The following NDST2 variants were observed in gnomAD, a reference collection of about 807,000 sequenced individuals.
NDST2 encodes N-deacetylase and N-sulfotransferase 2.
Under a neutral mutation model 86.9 loss-of-function variants are expected in NDST2, and 32 were observed. The ratio of observed to expected loss-of-function variants is 0.37; its 90% CI spans 0.28 to 0.49. NDST2 has a LOEUF of 0.49. NDST2 is among the 20% of genes least tolerant of loss of function. The pLI is 0.97. For missense variants in NDST2, 950 were observed against 1,146.9 expected (o/e 0.83, Z 2.48); for synonymous variants, 409 against 437.0 (o/e 0.94, Z 0.80).
At chr10:73,809,854 T>G (rs887943411) in intron 2 of NDST2, among the ~76,000 whole-genome samples, 1 of 152,174 alleles carries the variant, frequency 6.6e-6, no homozygotes, top group African/African-American at 2.4e-5. Context: ...CACCTCAGCC[T>G]CCCATGTAGC....
rs781633547 is a variant in NDST2 at position 73,808,536 on chromosome 10, G to A, written c.-148C>T. The A allele has an allele frequency of 1.3e-6, 1 of 764,196 alleles. No individual in the cohort carries two copies. The highest frequency in any genetic ancestry group is 2.0e-6 in the Non-Finnish European group (1 of 493,660). 47.3% of individuals were successfully genotyped at this position (764,196 alleles called of 1,614,324 possible). The stretch of plus-strand genomic sequence containing the variant: ...TGGGGAGTTTCCTTTACGAGGTGGA[G>A]ACGAGTCCCCTTAGCATAGGGTAGG... On this transcript the variant is annotated 5_prime_UTR_variant, in exon 3 of 15. Transcript: ENST00000309979. This position sits in a 1 kb window ranked among gnomAD's most constrained non-coding sequence, Gnocchi z 4.3.
Position 73,806,008 on chromosome 10 carries a change from A to G in NDST2, c.1455T>C (p.Cys485=). The change falls in exon 7 of 15, where the codon TGT becomes TGC. Residue 485 remains cysteine, a synonymous_variant. Coordinates refer to ENST00000309979, the MANE Select transcript of NDST2 (RefSeq NM_003635.4). This position sits in a 1 kb window ranked among gnomAD's most constrained non-coding sequence, Gnocchi z 4.5. Reference sequence around the variant, plus strand: ...AGAAGATTGTGTGAGTGAAGAGGCCACATGTCTGCCGGGGCAGCACCTGGA... The same window carrying G: ...AGAAGATTGTGTGAGTGAAGAGGCCGCATGTCTGCCGGGGCAGCACCTGGA... ...NGIMVLPRQT[C]GLFTHTIFYN... is the part of the protein sequence containing the mutation. 1.2e-6 allele frequency: 2 copies of G among 1,614,096 alleles called. No individual in the cohort carries two copies. Among genetic ancestry groups the G allele is most frequent in the Non-Finnish European group, 1.7e-6 (2 of 1,180,002 alleles).
chr10:73,806,758 ACT>A lies in NDST2; in HGVS notation c.1145_1146del (p.Glu382ValfsTer24). On this transcript the variant is annotated frameshift_variant, in exon 5 of 15. Coordinates refer to ENST00000309979, the MANE Select transcript of NDST2 (RefSeq NM_003635.4). LOFTEE classifies it high-confidence loss of function. This position sits in a 1 kb window ranked among gnomAD's most constrained non-coding sequence, Gnocchi z 4.5. ...CTCCACATGTGGGGGAACCACCAGA[ACT>A]CTTTGCGGTGCTTCAGCAGCATGTC... ...GDDMLLKHRKEFWWFPHMWSH... is the reference protein window; with the variant it reads ...GDDMLLKHRKXFWWFPHMWSH... 6.2e-7 allele frequency: 1 copy of A among 1,613,870 alleles called. No individual in the cohort carries two copies. Among genetic ancestry groups the A allele is most frequent in the Non-Finnish European group, 8.5e-7 (1 of 1,179,950 alleles).
rs767774334 is a variant in NDST2, at chr10:73,808,337, G to A, written c.52C>T (p.Arg18Cys). Residue 18 changes from arginine to cysteine, a missense_variant, in exon 3 of 15, where the codon CGC becomes TGC. Coordinates refer to ENST00000309979, the MANE Select transcript of NDST2 (RefSeq NM_003635.4). The surrounding 1 kb of genome is among the most constrained non-coding windows in gnomAD (Gnocchi z 4.3). ...VRPARQLELH[R>C]LILLLIAFSL... The stretch of plus-strand genomic sequence containing the variant: ...AAAGCGATCAGCAGCAGTATGAGGC[G>A]GTGCAGTTCCAGCTGCCGAGCTGGG... 18 of 1,594,508 alleles carry A rather than the reference G, an allele frequency of 1.1e-5. No homozygotes were observed. Among genetic ancestry groups the A allele is most frequent in the Middle Eastern group, 1.6e-4 (1 of 6,068 alleles).
chr10:73,802,869 T>G, intron 13 of NDST2, 93 bp from the exon 14 acceptor site: 1 of 1,511,692 alleles, frequency 6.6e-7, no homozygotes, highest in Non-Finnish European at 9.2e-7. Flanking sequence ...CAGGGACATG[T>G]CTCTCCTTGT....
chr10:73,806,254 G>C lies in NDST2; in HGVS notation c.1434+35C>G, dbSNP rs773076985. The C allele has an allele frequency of 6.2e-7, 1 of 1,611,050 alleles. No homozygotes were observed. Among genetic ancestry groups the C allele is most frequent in the Admixed American group, 1.7e-5 (1 of 60,020 alleles). ...CATGTTGAAAGCTGTCTAAATGTTAGAGTTTGATTCAAGCCTGTATTGGGA... is the reference window on the plus strand; with the variant it reads ...CATGTTGAAAGCTGTCTAAATGTTACAGTTTGATTCAAGCCTGTATTGGGA... On this transcript the variant is annotated intron_variant, in intron 6 of 14. Coordinates refer to ENST00000309979, the MANE Select transcript of NDST2 (RefSeq NM_003635.4). This position sits in a 1 kb window ranked among gnomAD's most constrained non-coding sequence, Gnocchi z 4.5.
In NDST2 at chr10:73,808,538, C is replaced by T. The variant is rs147731906; in HGVS notation, c.-150G>A. 96 of 744,414 alleles carry T rather than the reference C, an allele frequency of 1.3e-4. No individual in the cohort carries two copies. The highest frequency in any genetic ancestry group is 1.8e-4 in the Non-Finnish European group (87 of 477,570). The allele number at this position is 744,414 out of a possible 1,614,324, so 46.1% of individuals were successfully genotyped here. ...GGGAGTTTCCTTTACGAGGTGGAGACGAGTCCCCTTAGCATAGGGTAGGGG... is the reference window on the plus strand; with the variant it reads ...GGGAGTTTCCTTTACGAGGTGGAGATGAGTCCCCTTAGCATAGGGTAGGGG... On this transcript the variant is annotated 5_prime_UTR_variant, in exon 3 of 15. Coordinates refer to ENST00000309979, the MANE Select transcript of NDST2 (RefSeq NM_003635.4). The surrounding 1 kb of genome is among the most constrained non-coding windows in gnomAD (Gnocchi z 4.3).
Position 73,808,115 on chromosome 10 carries a change from C to T in NDST2, c.274G>A (p.Glu92Lys). ...RTEPVVLVFV[E>K]SAYSQLGQEI... ...TGCCCCAGCTGTGAGTATGCACTCTCCACAAACACAAGGACCACGGGTTCA... is the reference window on the plus strand; with the variant it reads ...TGCCCCAGCTGTGAGTATGCACTCTTCACAAACACAAGGACCACGGGTTCA... Residue 92 changes from glutamate to lysine, a missense_variant, in exon 3 of 15, where the codon GAG becomes AAG. Physicochemically the swap from Glu to Lys is moderately conservative, Grantham distance 56. Transcript: ENST00000309979. The surrounding 1 kb of genome is among the most constrained non-coding windows in gnomAD (Gnocchi z 4.3). 3.1e-6 allele frequency: 5 copies of T among 1,614,246 alleles called. No individual in the cohort carries two copies. Among genetic ancestry groups the T allele is most frequent in the Non-Finnish European group, 4.2e-6 (5 of 1,180,046 alleles).
rs764136804 is a variant in NDST2, at chr10:73,803,719, T to C, written c.1997A>G (p.Asn666Ser). The C allele has an allele frequency of 3.1e-6, 5 of 1,613,830 alleles. No homozygotes were observed. Among genetic ancestry groups the C allele is most frequent in the East Asian group, 2.2e-5 (1 of 44,888 alleles). Reference sequence around the variant, plus strand: ...TTCAAATAGGAAATCAGTGCTGGCATTGGAAGGAACAGGGAAGAAATCCAT... The same window carrying C: ...TTCAAATAGGAAATCAGTGCTGGCACTGGAAGGAACAGGGAAGAAATCCAT... ...WYMDFFPVPSNASTDFLFEKS... is the reference protein window; with the variant it reads ...WYMDFFPVPSSASTDFLFEKS... The change falls in exon 11 of 15, where the codon AAT becomes AGT. Residue 666 changes from asparagine to serine, a missense_variant. Around this residue, in one of 5 missense-constraint regions of NDST2, gnomAD observed 303 missense variants for 323.7 expected, o/e 0.94. Transcript: ENST00000309979.
chr10:73,802,846 C>T, intron 13 of NDST2, 70 bp from the exon 14 acceptor site: 4 of 1,515,716 alleles, frequency 2.6e-6, no homozygotes, highest in Admixed American at 1.7e-5. Context: ...TGCACAATGC[C>T]CTTCCCTGCC....
rs768180854 is a variant in NDST2 at position 73,802,560 on chromosome 10, G to GTT, written c.2542_2543insAA (p.Thr848LysfsTer16). 6.2e-7 allele frequency: 1 copy of GTT among 1,614,004 alleles called. No homozygotes were observed. The highest frequency in any genetic ancestry group is 8.5e-7 in the Non-Finnish European group (1 of 1,180,038). The stretch of plus-strand genomic sequence containing the variant: ...CAAATTATGGTTCCGGAAAAAATCC[G>GTT]TAAGGAAAAGACGGGACTGACAGGA... On this transcript the variant is annotated frameshift_variant, in exon 15 of 15. Coordinates refer to ENST00000309979, the MANE Select transcript of NDST2 (RefSeq NM_003635.4). LOFTEE classifies it high-confidence loss of function.
At chr10:73,809,213 T>A (rs1162083872) in intron 2 of NDST2, 1 of 152,206 alleles carries the variant, frequency 6.6e-6, no homozygotes, top group Non-Finnish European at 1.5e-5. Flanking sequence ...TCTGTTAATC[T>A]TCTCATCAAT....
chr10:73,804,741 AG>A, intron 9 of NDST2, 31 bp downstream of exon 9: 2 of 1,386,306 alleles, frequency 1.4e-6, no homozygotes, highest in African/African-American at 1.4e-5. Context: ...GGTTTAAGGC[AG>A]GGCAAGAGAA....
At position 73,810,889 on chromosome 10, in the gene NDST2, A is replaced by G. The variant is rs1429748091; in HGVS notation, c.-432T>C. The G allele has an allele frequency of 2.5e-6, 1 of 399,032 alleles. No individual in the cohort carries two copies. The highest frequency in any genetic ancestry group is 4.4e-6 in the Non-Finnish European group (1 of 226,120). 24.7% of individuals were successfully genotyped at this position (399,032 alleles called of 1,614,324 possible). A position where few individuals can be genotyped will look rare whatever the true frequency, so the allele number is the denominator to read the frequency against. On this transcript the variant is annotated 5_prime_UTR_variant, in exon 2 of 15. An upstream start codon of the reference 5' UTR is lost. Coordinates refer to ENST00000309979, the MANE Select transcript of NDST2 (RefSeq NM_003635.4). ...CCAGAGCCGCGTTCTTAGCCGCTGC[A>G]TTTTAGCTTCATACCTGGAAGAAGC...
At position 73,811,078 on chromosome 10, in the gene NDST2, G is replaced by A. The variant is rs369276945; in HGVS notation, c.-446-175C>T. 4.7e-4 allele frequency among the ~76,000 whole-genome samples: 71 copies of A among 152,124 alleles called. No individual in the cohort carries two copies. In the East Asian group the frequency reaches 0.01, roughly 22 times the overall value. ...CGGGCTTGGGGAGGCCGGGACGGCC[G>A]GAGCAGCGGCGCGGAGGCTGCGGGC... On this transcript the variant is annotated intron_variant, in intron 1 of 14. Transcript: ENST00000309979.
intron 4 of NDST2, 105 bp downstream of exon 4, chr10:73,807,003 A>AC (rs1362757215): frequency 6.3e-6 from 9 of 1,432,838 alleles, no homozygotes; most frequent in Admixed American, 1.7e-5. Context: ...CAGCAGTCTG[A>AC]CCCCAAACCT....
chr10:73,807,500 C>T lies in NDST2; in HGVS notation c.889G>A (p.Val297Ile). The T allele has an allele frequency of 6.2e-7, 1 of 1,614,166 alleles. No homozygotes were observed. The highest frequency in any genetic ancestry group is 1.7e-5 in the Admixed American group (1 of 60,022). ...AGGCGCTTGCCAGTGAGGTATGCAA[C>T]AGCATCAACGAAGATAAGTTTGTGG... is the stretch of plus-strand genomic sequence containing the variant. ...WLHKLIFVDA[V>I]AYLTGKRLCL... The change falls in exon 3 of 15, where the codon GTT becomes ATT. Residue 297 changes from valine (V) to isoleucine (I), a missense_variant. By Grantham distance (29) the Val-to-Ile change is conservative. Transcript: ENST00000309979.
In NDST2 at chr10:73,806,459, T is replaced by C. The variant is rs2084104884; in HGVS notation, c.1264A>G (p.Thr422Ala). 2 of 1,592,764 alleles carry C rather than the reference T, an allele frequency of 1.3e-6. No homozygotes were observed. Among genetic ancestry groups the C allele is most frequent in the Admixed American group, 1.7e-5 (1 of 58,234 alleles). The change falls in exon 6 of 15, where the codon ACG becomes GCG. Residue 422 changes from threonine (T) to alanine (A), a missense_variant. By Grantham distance (58) the Thr-to-Ala change is moderately conservative (BLOSUM62 0). Around this residue, in one of 5 missense-constraint regions of NDST2, gnomAD observed 586 missense variants for 714.0 expected, o/e 0.82. Coordinates refer to ENST00000309979, the MANE Select transcript of NDST2 (RefSeq NM_003635.4). The surrounding 1 kb of genome is among the most constrained non-coding windows in gnomAD (Gnocchi z 4.5). The stretch of plus-strand genomic sequence containing the variant: ...GGGGCCACAGCATACCCCAGGTCCG[T>C]GGGAATCCCATGCTCCTGGGAATGG... ...KQFALEHGIP[T>A]DLGYAVAPHH...
intron 14 of NDST2, 49 bp from the exon 15 acceptor site, chr10:73,802,625 T>A (rs558287613): frequency 1.2e-6 from 2 of 1,614,122 alleles, no homozygotes; most frequent in Non-Finnish European, 8.5e-7. Context: ...GGACACAGAA[T>A]CAGATCCTGG....
Sources: allele counts gnomAD v4.1 joint callset (sites outside exome capture counted in the v4.1 genomes callset), GRCh38; gene constraint gnomAD v4.1.1; regional missense constraint gnomAD v4.1.1; non-coding constraint Gnocchi (gnomAD v3.1); transcripts MANE v1.5; gene names NCBI Gene and HGNC (gene_info 2026-07-23, HGNC 2026-07-21).